Variants in DIAPH2 observed in about 807,000 individuals in gnomAD.
DIAPH2 encodes the protein diaphanous related formin 2.
In DIAPH2, 35 loss-of-function variants were observed where a neutral mutation model predicts 92.7. The observed-to-expected ratio is 0.38, with a 90% confidence interval of 0.29 to 0.50. DIAPH2 has a LOEUF of 0.50. Ranked by LOEUF, DIAPH2 falls within the 20% of genes least tolerant of loss-of-function variation. The probability of loss-of-function intolerance (pLI) is 0.94; values close to 1 mark genes in which losing one functional copy is unlikely to be tolerated. For missense variants in DIAPH2, 701 were observed against 819.5 expected, an observed-to-expected ratio of 0.86 and a Z score of 1.77; for synonymous variants, 301 against 280.4, an observed-to-expected ratio of 1.07 and a Z score of -0.73.
chrX:96,957,954 C>A lies in DIAPH2; in HGVS notation c.1741C>A (p.Pro581Thr), dbSNP rs1263371333. Residue 581 changes from proline to threonine, a missense_variant, in exon 16 of 27, where the codon CCA (proline) becomes ACA (threonine). By Grantham distance (38) the Pro-to-Thr change is conservative. Around this residue, in one of 3 missense-constraint regions of DIAPH2, gnomAD observed 536 missense variants for 599.3 expected, o/e 0.89. Transcript: ENST00000324765. ...LPGGAPLPPP[P>T]PPLPGMMGIP... The stretch of plus-strand genomic sequence containing the variant: ...CGGAGGAGCTCCTCTTCCTCCTCCA[C>A]CACCTCCTTTACCTGGAATGATGGG... The A allele has an allele frequency of 6.6e-6, 8 of 1,210,586 alleles. No homozygotes were observed. Among genetic ancestry groups the A allele is most frequent in the Non-Finnish European group, 8.9e-6 (8 of 894,941 alleles).
chrX:97,451,748 G>A (rs1482808711), intron 26 of DIAPH2, among the ~76,000 whole-genome samples: 1 of 111,076 alleles, frequency 9.0e-6, no homozygotes, highest in Non-Finnish European at 1.9e-5. Context: ...TTTTCTAAAT[G>A]GAACAATTAG....
intron 4 of DIAPH2, among the ~76,000 whole-genome samples, chrX:96,791,557 A>G (rs1224413952): frequency 9.8e-6 from 1 of 101,662 alleles, no homozygotes; most frequent in Non-Finnish European, 2.0e-5. Flanking sequence ...GAGACTCCTT[A>G]AAAAAAAGGA....
At chrX:96,890,852 G>T (rs1198127815) in intron 5 of DIAPH2, among the ~76,000 whole-genome samples, 1 of 111,700 alleles carries the variant, frequency 9.0e-6, no homozygotes, top group East Asian at 2.8e-4. Context: ...TCATTAACTG[G>T]TCCTATCTCA....
chrX:97,270,695 G>C (rs1310821141), intron 23 of DIAPH2, among the ~76,000 whole-genome samples: 1 of 111,490 alleles, frequency 9.0e-6, no homozygotes, highest in Non-Finnish European at 1.9e-5. Flanking sequence ...TTACTAGAGA[G>C]TTCTGAATTT....
At chrX:97,062,019 TCTTATTCTAA>T (rs780688275) in intron 17 of DIAPH2, among the ~76,000 whole-genome samples, 79 of 111,832 alleles carry the variant, frequency 7.1e-4, no homozygotes, top group African/African-American at 2.5e-3. Flanking sequence ...TTTTATGCAT[TCTTATTCTAA>T]CTTATTCTAA....
At chrX:97,118,077 G>T (rs901714365) in intron 21 of DIAPH2, among the ~76,000 whole-genome samples, 9 of 110,777 alleles carry the variant, frequency 8.1e-5, no homozygotes, top group African/African-American at 3.0e-4. Flanking sequence ...AAGGATCTTT[G>T]TTTGTAAGTA....
intron 22 of DIAPH2, among the ~76,000 whole-genome samples, chrX:97,163,985 CAG>C (rs2067393807): frequency 8.9e-6 from 1 of 111,753 alleles, no homozygotes; most frequent in African/African-American, 3.2e-5. Context: ...GTAAATTTAC[CAG>C]AGATATTTCT....
chrX:97,006,817 T>A (rs1208170268), intron 17 of DIAPH2, among the ~76,000 whole-genome samples: 3 of 111,500 alleles, frequency 2.7e-5, no homozygotes, highest in African/African-American at 9.8e-5. Flanking sequence ...TTGTTATATT[T>A]TTCTGGTTGT....
At chrX:97,551,545 G>A (rs1010684301) in intron 26 of DIAPH2, among the ~76,000 whole-genome samples, 9 of 107,436 alleles carry the variant, frequency 8.4e-5, no homozygotes, top group Middle Eastern at 4.3e-3. Flanking sequence ...AGCCGAGATC[G>A]TGCCGCCATT....
At chrX:97,308,423 T>A (rs1446586630) in intron 23 of DIAPH2, among the ~76,000 whole-genome samples, 2 of 110,363 alleles carry the variant, frequency 1.8e-5, no homozygotes, top group Non-Finnish European at 3.8e-5. Flanking sequence ...CCCATCGCTT[T>A]ACTTTGCTTG....
intron 26 of DIAPH2, among the ~76,000 whole-genome samples, chrX:97,576,694 C>T (rs2071401480): frequency 9.0e-6 from 1 of 110,591 alleles, no homozygotes; most frequent in African/African-American, 3.3e-5. Context: ...CTACTTGTTA[C>T]TAGAGAAAAG....
Position 97,184,787 on chromosome X carries a change from G to A in DIAPH2, c.2719+42993G>A, listed in dbSNP as rs763722904. Among the ~76,000 whole-genome samples the A allele has an allele frequency of 3.2e-3, 363 of 111,735 alleles. 1 individual carries two copies. The highest frequency in any genetic ancestry group is 0.011 in the African/African-American group (339 of 30,769). On this transcript the variant is annotated intron_variant, in intron 22 of 26. Transcript: ENST00000324765. Reference sequence around the variant, plus strand: ...GAATATGGTAGGAAACTTTGAAATTGTGATTCTCAAATAATTTAGCCTAAT... The same window carrying A: ...GAATATGGTAGGAAACTTTGAAATTATGATTCTCAAATAATTTAGCCTAAT...
At chrX:97,430,743 G>A (rs2070118243) in intron 26 of DIAPH2, among the ~76,000 whole-genome samples, 1 of 112,153 alleles carries the variant, frequency 8.9e-6, no homozygotes, top group Admixed American at 9.5e-5. Context: ...TGCAACAAAC[G>A]AGTGAGAGAA....
chrX:97,408,107 T>A (rs1366381728), intron 25 of DIAPH2, among the ~76,000 whole-genome samples: 1 of 111,993 alleles, frequency 8.9e-6, no homozygotes, highest in African/African-American at 3.2e-5. Context: ...TCAACTCTCA[T>A]GTAATTCAAT....
At chrX:97,014,432 G>A (rs774731478) in intron 17 of DIAPH2, among the ~76,000 whole-genome samples, 7 of 111,888 alleles carry the variant, frequency 6.3e-5, no homozygotes, top group East Asian at 5.6e-4. Flanking sequence ...CTTCTGTTGC[G>A]TACTTTTCTT....
At chrX:97,481,204 G>T (rs987950637) in intron 26 of DIAPH2, among the ~76,000 whole-genome samples, 1 of 111,669 alleles carries the variant, frequency 9.0e-6, no homozygotes, top group Non-Finnish European at 1.9e-5. Flanking sequence ...GTGTTTTATT[G>T]TTAAAGAAAA....
chrX:96,941,853 C>T (rs749454384), intron 12 of DIAPH2, among the ~76,000 whole-genome samples, 165 bp from the exon 13 acceptor site: 1 of 109,950 alleles, frequency 9.1e-6, no homozygotes, highest in Admixed American at 9.8e-5. Flanking sequence ...CCCAGACCAT[C>T]CTTAAGCTTA....
At chrX:97,042,882 A>G (rs1292392462) in intron 17 of DIAPH2, among the ~76,000 whole-genome samples, 2 of 111,982 alleles carry the variant, frequency 1.8e-5, no homozygotes, top group Non-Finnish European at 3.8e-5. Context: ...AGATACTTTT[A>G]TTTTTTAAGC....
At chrX:96,786,664 A>G (rs181590402) in intron 4 of DIAPH2, among the ~76,000 whole-genome samples, 1 of 111,322 alleles carries the variant, frequency 9.0e-6, no homozygotes, top group Admixed American at 9.5e-5. Flanking sequence ...CCAAACTGAA[A>G]CACCTCTCAC....
Sources: gnomAD v4.1 joint callset for allele counts (sites outside exome capture counted in the v4.1 genomes callset) on GRCh38, gnomAD v4.1.1 for gene constraint, gnomAD v4.1.1 regional missense constraint, MANE v1.5 for transcripts, NCBI Gene and HGNC (gene_info 2026-07-23, HGNC 2026-07-21) for gene names.